The following OR10J1 variants were observed in gnomAD, a reference collection of about 807,000 sequenced individuals.
OR10J1 encodes olfactory receptor family 10 subfamily J member 1.
For synonymous variants in OR10J1, 202 were observed against 143.8 expected, an observed-to-expected ratio of 1.40 and a Z score of -2.89; for missense variants, 474 against 376.6, an observed-to-expected ratio of 1.26 and a Z score of -2.14.
At chr1:159,405,745 T>G in the OR10J1 span, 1 of 999,830 alleles carries the variant, frequency 1.0e-6, no homozygotes, top group Non-Finnish European at 1.5e-6. Flanking sequence ...CAGGGCAATA[T>G]GTAGGACAAG....
chr1:159,400,436 G>T, the OR10J1 span, among the ~76,000 whole-genome samples: 1 of 151,554 alleles, frequency 6.6e-6, no homozygotes, highest in South Asian at 2.1e-4. Context: ...AGTTATATAA[G>T]ACAAAATAAA....
chr1:159,403,648 AC>A, the OR10J1 span, among the ~76,000 whole-genome samples: 1 of 152,166 alleles, frequency 6.6e-6, no homozygotes, highest in Non-Finnish European at 1.5e-5. Context: ...AAAAGGGAAC[AC>A]TTGCACACAG....
rs1239639349 is a variant in OR10J1, at chr1:159,439,985, T to TG, written c.195dup (p.Leu66AlafsTer46). On this transcript the variant is annotated frameshift_variant, in exon 1 of 1. Transcript: ENST00000423932. LOFTEE classifies it low-confidence loss of function (END_TRUNC). ...ACACCCATGTACTTCTTCCTGAGCA[T>TG]GCTGTCCACTTCAGAGACTGTATAT... 1 of 1,614,208 alleles carries TG rather than the reference T, an allele frequency of 6.2e-7. No homozygotes were observed. Among genetic ancestry groups the TG allele is most frequent in the Admixed American group, 1.7e-5 (1 of 60,014 alleles).
chr1:159,438,044 T>C (rs1289424405), upstream of OR10J1: 3 of 152,282 alleles, frequency 2.0e-5, no homozygotes, highest in Admixed American at 1.3e-4. Context: ...AGCAGAGTCA[T>C]GTGAGTGGTC....
the OR10J1 span, among the ~76,000 whole-genome samples, chr1:159,399,177 A>G: frequency 1.3e-5 from 2 of 152,182 alleles, no homozygotes; most frequent in African/African-American, 4.8e-5. Flanking sequence ...TAAGTCTAGA[A>G]TAGTATATCC....
chr1:159,433,250 G>A (rs116329636), upstream of OR10J1: 475 of 396,970 alleles, frequency 1.2e-3, no homozygotes, highest in African/African-American at 8.5e-3. Flanking sequence ...GATCTAGGCA[G>A]CATCTAGGAA....
the OR10J1 span, among the ~76,000 whole-genome samples, chr1:159,414,456 G>C: frequency 6.6e-6 from 1 of 152,070 alleles, no homozygotes. Context: ...ATTCCATTGT[G>C]TTTACATACC....
the OR10J1 span, among the ~76,000 whole-genome samples, chr1:159,426,763 A>G: frequency 6.6e-6 from 1 of 151,808 alleles, no homozygotes; most frequent in African/African-American, 2.4e-5. Context: ...TTTTTCATGG[A>G]CCACAATGCA....
chr1:159,422,009 G>A, the OR10J1 span, among the ~76,000 whole-genome samples: 1 of 152,152 alleles, frequency 6.6e-6, no homozygotes, highest in African/African-American at 2.4e-5. Flanking sequence ...CCACGGTGAT[G>A]TTGGCAGTTG....
chr1:159,404,470 G>A, the OR10J1 span, among the ~76,000 whole-genome samples: 3 of 152,206 alleles, frequency 2.0e-5, no homozygotes, highest in South Asian at 6.2e-4. Context: ...ATTTGTAAAT[G>A]ATACAGGAGT....
the OR10J1 span, among the ~76,000 whole-genome samples, chr1:159,412,006 A>C: frequency 6.6e-6 from 1 of 152,188 alleles, no homozygotes; most frequent in Non-Finnish European, 1.5e-5. Flanking sequence ...ATAGAAAATC[A>C]ATGTACAAAA....
upstream of OR10J1, among the ~76,000 whole-genome samples, chr1:159,439,406 T>C (rs6691297): frequency 0.91 from 139,082 of 152,186 alleles, 64,337 homozygotes; most frequent in East Asian, 1. Context: ...TGAGAACCTC[T>C]GAGTGTAATA....
chr1:159,404,127 G>T, the OR10J1 span, among the ~76,000 whole-genome samples: 637 of 152,126 alleles, frequency 4.2e-3, 3 homozygotes, highest in African/African-American at 0.014. Flanking sequence ...GGCGGCTTGA[G>T]GGGGAGGTGG....
the OR10J1 span, among the ~76,000 whole-genome samples, chr1:159,398,387 T>A: frequency 2.0e-5 from 3 of 152,272 alleles, no homozygotes; most frequent in African/African-American, 7.2e-5. Context: ...CAGGAAAACA[T>A]GACCTTACCA....
chr1:159,412,241 T>C, the OR10J1 span, among the ~76,000 whole-genome samples: 1 of 151,748 alleles, frequency 6.6e-6, no homozygotes, highest in African/African-American at 2.4e-5. Flanking sequence ...AGAATCAATA[T>C]CGTGAAAAAG....
chr1:159,440,629 A>C lies in OR10J1; in HGVS notation c.838A>C (p.Ile280Leu). Residue 280 changes from isoleucine (I) to leucine (L), a missense_variant, in exon 1 of 1, where the codon ATC becomes CTC. By Grantham distance (5) the Ile-to-Leu change is conservative (BLOSUM62 2). Transcript: ENST00000423932. ...DQLISVTYTV[I>L]TPLLNPVVYT... ...GCTGATCTCGGTGACCTACACTGTC[A>C]TCACTCCCCTACTGAACCCTGTGGT... The C allele has an allele frequency of 1.2e-6, 2 of 1,613,908 alleles. No homozygotes were observed. The highest frequency in any genetic ancestry group is 1.7e-6 in the Non-Finnish European group (2 of 1,179,974).
chr1:159,420,953 T>G, the OR10J1 span, among the ~76,000 whole-genome samples: 1 of 152,300 alleles, frequency 6.6e-6, no homozygotes, highest in Admixed American at 6.5e-5. Flanking sequence ...CTTGCTAGAC[T>G]TGGGAAGTTT....
upstream of OR10J1, among the ~76,000 whole-genome samples, chr1:159,434,422 T>C (rs1049750205): frequency 6.6e-6 from 1 of 152,202 alleles, no homozygotes; most frequent in Non-Finnish European, 1.5e-5. Context: ...TAGTGTATTA[T>C]AATACACTCC....
chr1:159,421,534 T>A, the OR10J1 span, among the ~76,000 whole-genome samples: 2 of 152,356 alleles, frequency 1.3e-5, no homozygotes, highest in South Asian at 4.1e-4. Context: ...ATTTTTTGAA[T>A]TTGTTCTCAT....
Sources: allele counts gnomAD v4.1 joint callset (sites outside exome capture counted in the v4.1 genomes callset), GRCh38; gene constraint gnomAD v4.1.1; transcripts MANE v1.5; gene names NCBI Gene and HGNC (gene_info 2026-07-23, HGNC 2026-07-21).